Variants in CEP170 observed in about 807,000 individuals in gnomAD.
CEP170 encodes centrosomal protein of 170 kDa.
In CEP170, 21 loss-of-function variants were observed where a neutral mutation model predicts 151.9. That is an observed-to-expected ratio of 0.14 (90% CI 0.10 to 0.20). CEP170 has a LOEUF of 0.20. Ranked by LOEUF, CEP170 falls within the 10% of genes least tolerant of loss-of-function variation. CEP170 has a pLI of 1.00. For synonymous variants in CEP170, 356 were observed against 648.8 expected, an observed-to-expected ratio of 0.55 and a Z score of 6.86; for missense variants, 964 against 1,892.9, an observed-to-expected ratio of 0.51 and a Z score of 9.11.
intron 1 of CEP170, among the ~76,000 whole-genome samples, chr1:243,244,149 A>C (rs2065130438): frequency 6.6e-6 from 1 of 152,208 alleles, no homozygotes; most frequent in Admixed American, 6.5e-5. Context: ...AAATGCATCA[A>C]AATACAAGAT....
At chr1:243,220,803 G>A (rs1356926283) in intron 3 of CEP170, among the ~76,000 whole-genome samples, 1 of 152,156 alleles carries the variant, frequency 6.6e-6, no homozygotes. Context: ...TTAGTTTGTA[G>A]CTACTTATAT....
chr1:243,202,591 G>C (rs1273154231), intron 4 of CEP170, among the ~76,000 whole-genome samples: 1 of 151,500 alleles, frequency 6.6e-6, no homozygotes, highest in East Asian at 1.9e-4. Flanking sequence ...AAAACACTAG[G>C]GCATGACTAC....
At chr1:243,233,741 A>AAATAT (rs1367723157) in intron 1 of CEP170, among the ~76,000 whole-genome samples, 14 of 140,414 alleles carry the variant, frequency 1.0e-4, no homozygotes, top group African/African-American at 3.4e-4. Context: ...TCAAAAAAAA[A>AAATAT]ATATATATAT....
chr1:243,215,968 G>A (rs1395373044), intron 3 of CEP170, among the ~76,000 whole-genome samples: 3 of 151,840 alleles, frequency 2.0e-5, no homozygotes, highest in South Asian at 2.1e-4. Flanking sequence ...AAGAACCTAT[G>A]TGAAATAACG....
chr1:243,152,521 A>ATT (rs371392454), intron 14 of CEP170, among the ~76,000 whole-genome samples: 1,388 of 54,896 alleles, frequency 0.025, 390 homozygotes, highest in Admixed American at 0.046. Flanking sequence ...GCGCCCAGCC[A>ATT]TTTTTTTTTT....
intron 1 of CEP170, among the ~76,000 whole-genome samples, chr1:243,245,569 C>G (rs1189928403): frequency 1.3e-5 from 2 of 151,942 alleles, no homozygotes; most frequent in Non-Finnish European, 2.9e-5. Flanking sequence ...CAAAAATTAG[C>G]CAGGTGTGGT....
intron 13 of CEP170, among the ~76,000 whole-genome samples, chr1:243,162,606 C>G (rs2058153630): frequency 6.6e-6 from 1 of 152,174 alleles, no homozygotes; most frequent in Non-Finnish European, 1.5e-5. Flanking sequence ...ACAGTTGTTT[C>G]TTAGACTTGC....
At chr1:243,210,469 A>T (rs569986170) in intron 4 of CEP170, among the ~76,000 whole-genome samples, 71 of 152,116 alleles carry the variant, frequency 4.7e-4, no homozygotes, top group Middle Eastern at 6.8e-3. Flanking sequence ...AAAGACTTAA[A>T]ATATATACAA....
intron 18 of CEP170, 62 bp downstream of exon 18, chr1:243,129,298 G>C: frequency 7.4e-7 from 1 of 1,350,540 alleles, no homozygotes; most frequent in South Asian, 1.8e-5. Context: ...CAAAAATAAG[G>C]GTCTTTTCCT....
intron 1 of CEP170, among the ~76,000 whole-genome samples, chr1:243,231,626 A>G (rs1261352801): frequency 1.3e-5 from 2 of 152,238 alleles, no homozygotes; most frequent in Admixed American, 1.3e-4. Context: ...TATTCAAACT[A>G]GGTTTATAAG....
intron 10 of CEP170, among the ~76,000 whole-genome samples, chr1:243,179,203 A>T (rs1357796173): frequency 6.6e-6 from 1 of 152,160 alleles, no homozygotes; most frequent in African/African-American, 2.4e-5. Context: ...TTCAAATTAT[A>T]CTTAGATCTC....
At chr1:243,172,053 G>A (rs1274981680) in intron 11 of CEP170, among the ~76,000 whole-genome samples, 1 of 152,062 alleles carries the variant, frequency 6.6e-6, no homozygotes, top group Non-Finnish European at 1.5e-5. Context: ...TTCCTGGTAT[G>A]ATATACAGGA....
At chr1:243,146,245 T>C (rs1043811113) in intron 14 of CEP170, among the ~76,000 whole-genome samples, 16 of 152,194 alleles carry the variant, frequency 1.1e-4, no homozygotes, top group Admixed American at 3.3e-4. Flanking sequence ...GTGACAAATA[T>C]GGTCAGCGAT....
chr1:243,155,662 A>T (rs1250649693), intron 14 of CEP170, among the ~76,000 whole-genome samples: 1 of 151,840 alleles, frequency 6.6e-6, no homozygotes, highest in Non-Finnish European at 1.5e-5. Flanking sequence ...TGCAGCATAA[A>T]TTTTTTTTGT....
intron 1 of CEP170, among the ~76,000 whole-genome samples, chr1:243,227,230 T>G (rs1473728654): frequency 1.3e-5 from 2 of 151,938 alleles, no homozygotes; most frequent in Non-Finnish European, 2.9e-5. Context: ...TCTAAAATTC[T>G]AACTTCCTCT....
At chr1:243,190,793 T>A (rs2060263714) in intron 8 of CEP170, among the ~76,000 whole-genome samples, 2 of 152,148 alleles carry the variant, frequency 1.3e-5, no homozygotes, top group African/African-American at 4.8e-5. Flanking sequence ...AAATATAAGC[T>A]CATAAAACCA....
chr1:243,155,937 C>T (rs1326811495), intron 14 of CEP170, among the ~76,000 whole-genome samples: 1 of 151,810 alleles, frequency 6.6e-6, no homozygotes, highest in Admixed American at 6.6e-5. Context: ...TTCAAAGTTT[C>T]ACTTACTTAT....
At chr1:243,144,088 A>C (rs2148336932) in intron 14 of CEP170, among the ~76,000 whole-genome samples, 1 of 152,364 alleles carries the variant, frequency 6.6e-6, no homozygotes, top group African/African-American at 2.4e-5. Flanking sequence ...CTGATTGCTT[A>C]TGATGTGCCA....
chr1:243,221,318 C>G (rs1306844962), intron 3 of CEP170, among the ~76,000 whole-genome samples: 1 of 152,192 alleles, frequency 6.6e-6, no homozygotes, highest in East Asian at 1.9e-4. Flanking sequence ...CCACCGCGCC[C>G]GGCCCCAGCT....
Sources: gnomAD v4.1 joint callset for allele counts (sites outside exome capture counted in the v4.1 genomes callset) on GRCh38, gnomAD v4.1.1 for gene constraint, MANE v1.5 for transcripts, NCBI Gene and HGNC (gene_info 2026-07-23, HGNC 2026-07-21) for gene names.